Variants in YPEL3 observed in about 807,000 individuals in gnomAD.
YPEL3 encodes yippee like 3.
A neutral mutation model predicts 17.5 loss-of-function variants in YPEL3; 5 were observed. That is an observed-to-expected ratio of 0.29 (90% CI 0.15 to 0.60). The LOEUF (loss-of-function observed/expected upper bound fraction) is 0.60. Among genes scored for constraint, YPEL3 ranks in the 20% least tolerant of loss-of-function variants. YPEL3 has a pLI of 0.87. For synonymous variants in YPEL3, 87 were observed against 87.2 expected (o/e 1.00, Z 0.01); for missense variants, 155 against 211.4 (o/e 0.73, Z 1.65).
In YPEL3 at chr16:30,092,537, C is replaced by T. The variant is rs1168706960; in HGVS notation, c.*173G>A. On this transcript the variant is annotated 3_prime_UTR_variant, in exon 4 of 4. Coordinates refer to ENST00000398841, the MANE Select transcript of YPEL3 (RefSeq NM_031477.5). ...CAGGAGGTGCGGGGGCGTCGTCCCC[C>T]TTCTGTTCTCCCCCCAAGGTCACAG... The T allele has an allele frequency of 4.3e-5, 26 of 603,386 alleles. No individual in the cohort carries two copies. The highest frequency in any genetic ancestry group is 3.7e-5 in the Non-Finnish European group (13 of 348,412). The allele number at this position is 603,386 out of a possible 1,614,324, so 37.4% of individuals were successfully genotyped here.
Position 30,095,056 on chromosome 16 carries a change from G to A in YPEL3, c.275+47C>T, listed in dbSNP as rs1462301413. ...CTCAGCAGGATGCCAGGGGTCACAG[G>A]TCACAACAGAGGTCAGGGAAAGCAA... On this transcript the variant is annotated intron_variant, in intron 2 of 3. Coordinates refer to ENST00000398841, the MANE Select transcript of YPEL3 (RefSeq NM_031477.5). This position sits in a 1 kb window ranked among gnomAD's most constrained non-coding sequence, Gnocchi z 5.4. 6.2e-7 allele frequency: 1 copy of A among 1,612,982 alleles called. No homozygotes were observed. Among genetic ancestry groups the A allele is most frequent in the Non-Finnish European group, 8.5e-7 (1 of 1,179,356 alleles).
chr16:30,092,976 T>A (rs1400565737), intron 3 of YPEL3, among the ~76,000 whole-genome samples, 177 bp from the exon 4 acceptor site: 8 of 152,196 alleles, frequency 5.3e-5, no homozygotes, highest in Admixed American at 5.2e-4. Context: ...TCAAAGGTAC[T>A]TTTTTAAGTA....
At position 30,092,812 on chromosome 16, in the gene YPEL3, G is replaced by A. The variant is rs776384394; in HGVS notation, c.385-13C>T. The A allele has an allele frequency of 2.1e-5, 34 of 1,612,676 alleles. No homozygotes were observed. Among genetic ancestry groups the A allele is most frequent in the Non-Finnish European group, 2.9e-5 (34 of 1,178,798 alleles). On this transcript the variant is annotated splice_polypyrimidine_tract_variant and intron_variant, in intron 3 of 3. Transcript: ENST00000398841. ...CAAAGGCCTGTTCCTGAAAGGAGGG[G>A]CGGGACCGTCATCCCCGGAGCAACA...
Position 30,095,289 on chromosome 16 carries a change from C to T in YPEL3, c.194G>A (p.Arg65His), listed in dbSNP as rs755667144. ...GTCGTCGTGGTTGGCCAGGTGAGCG[C>T]GGCAGTGGGCACAGCTATACCTCCG... ...CHRRYSCAHC[R>H]AHLANHDDLI... The change falls in exon 1 of 4, where the codon CGC becomes CAC. Residue 65 changes from arginine (R) to histidine (H), a missense_variant. Physicochemically the swap from Arg to His is conservative, Grantham distance 29. Around this residue, in one of 3 missense-constraint regions of YPEL3, gnomAD observed 74 missense variants for 134.9 expected, o/e 0.55. Coordinates refer to ENST00000398841, the MANE Select transcript of YPEL3 (RefSeq NM_031477.5). This position sits in a 1 kb window ranked among gnomAD's most constrained non-coding sequence, Gnocchi z 5.4. The T allele has an allele frequency of 6.2e-7, 1 of 1,614,146 alleles. No homozygotes were observed. Among genetic ancestry groups the T allele is most frequent in the Admixed American group, 1.7e-5 (1 of 60,022 alleles).
rs1320987134 is a variant in YPEL3 at position 30,094,789 on chromosome 16, A to G, written c.384T>C (p.Tyr128=). 6.2e-7 allele frequency: 1 copy of G among 1,613,952 alleles called. No individual in the cohort carries two copies. The part of the protein sequence containing the change: ...ENCKTTLGWK[Y]EQAFESSQKY... ...CTGGGGTCAGAGGTGGGTGACTCAC[A>G]TATTTCCAGCCCAAAGTGGTCTTGC... Residue 128 remains tyrosine (Y), a splice_region_variant and synonymous_variant, in exon 3 of 4, where the codon TAT becomes TAC. Transcript: ENST00000398841.
chr16:30,095,655 C>T lies in YPEL3; in HGVS notation c.-173G>A. Reference sequence around the variant, plus strand: ...AGGCTCGGAGGTGCCCAGGGTGAGTCACCCGCCTGCTTCCGGCCTCACCCT... The same window carrying T: ...AGGCTCGGAGGTGCCCAGGGTGAGTTACCCGCCTGCTTCCGGCCTCACCCT... On this transcript the variant is annotated 5_prime_UTR_variant, in exon 1 of 4. Transcript: ENST00000398841. The surrounding 1 kb of genome is among the most constrained non-coding windows in gnomAD (Gnocchi z 5.4). 1.8e-6 allele frequency: 1 copy of T among 566,586 alleles called. No homozygotes were observed. The highest frequency in any genetic ancestry group is 3.0e-6 in the Non-Finnish European group (1 of 331,094). 35.1% of individuals were successfully genotyped at this position (566,586 alleles called of 1,614,324 possible).
intron 3 of YPEL3, among the ~76,000 whole-genome samples, chr16:30,093,518 C>T (rs2072760328): frequency 6.6e-6 from 1 of 152,114 alleles, no homozygotes; most frequent in South Asian, 2.1e-4. Context: ...GCCTCAGACT[C>T]CCAAAAGTGC....
At position 30,095,762 on chromosome 16, in the gene YPEL3, G is replaced by A. The variant is rs2072786276; in HGVS notation, c.-280C>T. 4 of 454,238 alleles carry A rather than the reference G, an allele frequency of 8.8e-6. No homozygotes were observed. Among genetic ancestry groups the A allele is most frequent in the Non-Finnish European group, 1.6e-5 (4 of 255,666 alleles). 28.1% of individuals were successfully genotyped at this position (454,238 alleles called of 1,614,324 possible). On this transcript the variant is annotated 5_prime_UTR_variant, in exon 1 of 4. Coordinates refer to ENST00000398841, the MANE Select transcript of YPEL3 (RefSeq NM_031477.5). The surrounding 1 kb of genome is among the most constrained non-coding windows in gnomAD (Gnocchi z 5.4). ...TTCCCAGTTTCGGGGGAGCATGGGC[G>A]GGTAGGCACTGGTTGGTCCTTGCGA...
At chr16:30,094,501 A>C (rs2072772010) in intron 3 of YPEL3, 1 of 434,136 alleles carries the variant, frequency 2.3e-6, no homozygotes, top group Admixed American at 3.7e-5. Context: ...GAGATAATAG[A>C]CGCCAGGCAC....
Position 30,092,437 on chromosome 16 carries a change from G to C in YPEL3, c.*273C>G. On this transcript the variant is annotated 3_prime_UTR_variant, in exon 4 of 4. Coordinates refer to ENST00000398841, the MANE Select transcript of YPEL3 (RefSeq NM_031477.5). ...CAGACGGTGCACTGGGACCAGGAGA[G>C]CAGAACACAGGCCATAACTATAGGG... 1 of 457,206 alleles carries C rather than the reference G, an allele frequency of 2.2e-6. No individual in the cohort carries two copies. The highest frequency in any genetic ancestry group is 4.0e-6 in the Non-Finnish European group (1 of 251,434). 28.3% of individuals were successfully genotyped at this position (457,206 alleles called of 1,614,324 possible). A position where few individuals can be genotyped will look rare whatever the true frequency, so the allele number is the denominator to read the frequency against.
chr16:30,094,719 C>G, intron 3 of YPEL3, 70 bp downstream of exon 3: 3 of 1,403,912 alleles, frequency 2.1e-6, no homozygotes, highest in Non-Finnish European at 3.0e-6. Context: ...TATAGGGTGA[C>G]AGCTTGTCAG....
chr16:30,093,629 A>G (rs949757535), intron 3 of YPEL3: 4 of 150,684 alleles, frequency 2.7e-5, no homozygotes, highest in Admixed American at 6.6e-5. Context: ...TTTGAAACGG[A>G]GTCTCGCTCT....
chr16:30,092,942 CAG>C lies in YPEL3; in HGVS notation c.385-145_385-144del, dbSNP rs2072749971. The C allele has an allele frequency of 9.0e-6, 6 of 668,770 alleles. No homozygotes were observed. In the East Asian group the frequency reaches 1.3e-4, roughly 15 times the overall value. The allele number at this position is 668,770 out of a possible 1,614,324, so 41.4% of individuals were successfully genotyped here. On this transcript the variant is annotated intron_variant, in intron 3 of 3. Transcript: ENST00000398841. ...GGCAGGGCCGTATTTCTCACAAACA[CAG>C]AGTAGAATAGAACTCCCTGACTCAA...
intron 3 of YPEL3, among the ~76,000 whole-genome samples, chr16:30,093,177 C>A (rs1158812644): frequency 1.3e-5 from 2 of 152,220 alleles, no homozygotes; most frequent in Non-Finnish European, 2.9e-5. Flanking sequence ...TTTGCCCAGC[C>A]TGCCCCCAAC....
In YPEL3 at chr16:30,095,450, T is replaced by C; in HGVS notation, c.33A>G (p.Leu11=). The C allele has an allele frequency of 6.3e-7, 1 of 1,575,868 alleles. No individual in the cohort carries two copies. Among genetic ancestry groups the C allele is most frequent in the East Asian group, 2.3e-5 (1 of 43,714 alleles). MCVAQVLTAH[L]LPPRQALGSL... ...AGCCCAGTGCCTGCCGGGGAGGGAG[T>C]AGGTGGGCTGTCAGGACCTGGGCCA... The change falls in exon 1 of 4, where the codon CTA becomes CTG. Residue 11 remains leucine, a synonymous_variant. Transcript: ENST00000398841. The surrounding 1 kb of genome is among the most constrained non-coding windows in gnomAD (Gnocchi z 5.4).
rs1596862651 is a variant in YPEL3 at position 30,095,512 on chromosome 16, G to A, written c.-30C>T. 6.9e-7 allele frequency: 1 copy of A among 1,454,752 alleles called. No individual in the cohort carries two copies. The allele number at this position is 1,454,752 out of a possible 1,614,324, so 90.1% of individuals were successfully genotyped here. The stretch of plus-strand genomic sequence containing the variant: ...GGCACTCCCAGAGCCGTGGGGACTC[G>A]CTCTGTCACACTGGGCTGCTCTCTC... On this transcript the variant is annotated 5_prime_UTR_variant, in exon 1 of 4. Transcript: ENST00000398841. This position sits in a 1 kb window ranked among gnomAD's most constrained non-coding sequence, Gnocchi z 5.4.
In YPEL3 at chr16:30,095,306, A is replaced by T; in HGVS notation, c.177T>A (p.Tyr59Ter). 1 of 1,614,184 alleles carries T rather than the reference A, an allele frequency of 6.2e-7. No homozygotes were observed. Among genetic ancestry groups the T allele is most frequent in the African/African-American group, 1.3e-5 (1 of 75,042 alleles). Residue 59 changes from tyrosine (Y) to a stop codon, truncating the protein, a stop_gained, in exon 1 of 4, where the codon TAT becomes TAA. Transcript: ENST00000398841. LOFTEE classifies it high-confidence loss of function. The surrounding 1 kb of genome is among the most constrained non-coding windows in gnomAD (Gnocchi z 5.4). ...GGTGAGCGCGGCAGTGGGCACAGCT[A>T]TACCTCCGGTGACAATCATCCAAGT... Reference protein sequence around the residue: ...QAYLDDCHRRYSCAHCRAHLA... With the variant: ...QAYLDDCHRR
In YPEL3 at chr16:30,096,163, C is replaced by A. The variant is rs1418324738; in HGVS notation, c.-681G>T. On this transcript the variant is annotated 5_prime_UTR_variant, in exon 1 of 4. Coordinates refer to ENST00000398841, the MANE Select transcript of YPEL3 (RefSeq NM_031477.5). ...GCCTGGGAGTGGGGGGCGCTCCTGG[C>A]GGGCGCCGTCCCCCCCGGGCCCGGG... The A allele has an allele frequency of 1.3e-5, 2 of 150,116 alleles. No homozygotes were observed. Among genetic ancestry groups the A allele is most frequent in the Non-Finnish European group, 3.0e-5 (2 of 67,194 alleles). 9.3% of individuals were successfully genotyped at this position (150,116 alleles called of 1,614,324 possible).
Position 30,092,338 on chromosome 16 carries a change from T to C in YPEL3, c.*372A>G, listed in dbSNP as rs549009773. ...CTGTCTCCACTCCATTGTTTTATTA[T>C]GTACAAACGCTACAGAACGAGGGGG... On this transcript the variant is annotated 3_prime_UTR_variant, in exon 4 of 4. Transcript: ENST00000398841. The C allele has an allele frequency of 9.0e-6, 2 of 221,696 alleles. No homozygotes were observed. The highest frequency in any genetic ancestry group is 9.9e-5 in the East Asian group (1 of 10,090). 13.7% of individuals were successfully genotyped at this position (221,696 alleles called of 1,614,324 possible). A position where few individuals can be genotyped will look rare whatever the true frequency, so the allele number is the denominator to read the frequency against.
Sources: allele counts gnomAD v4.1 joint callset (sites outside exome capture counted in the v4.1 genomes callset), GRCh38; gene constraint gnomAD v4.1.1; regional missense constraint gnomAD v4.1.1; non-coding constraint Gnocchi (gnomAD v3.1); transcripts MANE v1.5; gene names NCBI Gene and HGNC (gene_info 2026-07-23, HGNC 2026-07-21).